Variants in HMCN1 observed in about 807,000 individuals in gnomAD.
HMCN1 encodes the protein hemicentin-1.
In HMCN1, 321 loss-of-function variants were observed where a neutral mutation model predicts 625.9. The ratio of observed to expected loss-of-function variants is 0.51; its 90% CI spans 0.47 to 0.56. The LOEUF (loss-of-function observed/expected upper bound fraction) is 0.56, where lower values mean the gene tolerates loss of function less well. HMCN1 is among the 20% of genes least tolerant of loss of function. The pLI is 0.00. For synonymous variants in HMCN1, 2,425 were observed against 2,417.6 expected (o/e 1.00, Z -0.09); for missense variants, 6,588 against 6,887.3 (o/e 0.96, Z 1.54).
intron 1 of HMCN1, among the ~76,000 whole-genome samples, chr1:185,816,808 G>A (rs1441009165): frequency 6.6e-6 from 1 of 152,230 alleles, no homozygotes. Flanking sequence ...GAGACAGAAA[G>A]AAGTGGAAAG....
chr1:185,864,998 C>A (rs1247487382), intron 3 of HMCN1, among the ~76,000 whole-genome samples: 1 of 152,220 alleles, frequency 6.6e-6, no homozygotes. Flanking sequence ...TCAGCTATTG[C>A]TGCATGACAA....
chr1:186,121,725 C>CA, intron 80 of HMCN1, among the ~76,000 whole-genome samples: 1 of 151,938 alleles, frequency 6.6e-6, no homozygotes, highest in East Asian at 1.9e-4. Flanking sequence ...GAAGTATAGT[C>CA]AAAGATAAAA....
chr1:186,187,706 C>A (rs552706565), intron 105 of HMCN1, among the ~76,000 whole-genome samples, 177 bp from the exon 106 acceptor site: 1 of 152,142 alleles, frequency 6.6e-6, no homozygotes, highest in Admixed American at 6.5e-5. Context: ...TGGGAAATAA[C>A]CCTGCCAGGT....
chr1:185,892,382 G>T (rs1045235517), intron 4 of HMCN1, among the ~76,000 whole-genome samples: 8 of 151,826 alleles, frequency 5.3e-5, no homozygotes, highest in African/African-American at 1.5e-4. Flanking sequence ...AGGAGGAGAG[G>T]CGCTCTGATT....
chr1:186,161,607 G>C (rs1651484912), intron 97 of HMCN1, among the ~76,000 whole-genome samples: 4 of 151,970 alleles, frequency 2.6e-5, no homozygotes, highest in Non-Finnish European at 5.9e-5. Context: ...CTCTTTTAGG[G>C]CAGGCCTGGT....
chr1:185,965,758 G>A (rs1269245859), intron 13 of HMCN1, 44 bp from the exon 14 acceptor site: 2 of 1,042,398 alleles, frequency 1.9e-6, no homozygotes, highest in African/African-American at 3.1e-5. Context: ...AATCCATCTG[G>A]TCTTGTGCTA....
intron 1 of HMCN1, among the ~76,000 whole-genome samples, chr1:185,784,764 C>T (rs1166550071): frequency 6.6e-6 from 1 of 152,160 alleles, no homozygotes; most frequent in Non-Finnish European, 1.5e-5. Flanking sequence ...AAAAACTAAT[C>T]ATGGTATCAA....
chr1:185,877,738 T>C (rs1664049229), intron 4 of HMCN1, among the ~76,000 whole-genome samples: 1 of 151,948 alleles, frequency 6.6e-6, no homozygotes, highest in African/African-American at 2.4e-5. Context: ...TTTTTTTCCT[T>C]TTTTTTGACT....
chr1:185,802,079 A>AG (rs1459678090), intron 1 of HMCN1, among the ~76,000 whole-genome samples: 1 of 152,136 alleles, frequency 6.6e-6, no homozygotes, highest in African/African-American at 2.4e-5. Flanking sequence ...TGAGGAGATG[A>AG]GAAAAAGTAG....
In HMCN1 at chr1:185,748,696, A is replaced by G. The variant is rs563732266; in HGVS notation, c.268+13649A>G. On this transcript the variant is annotated intron_variant, in intron 1 of 106. Transcript: ENST00000271588. ...AGCATTTGATTATTAGTAAGTTACT[A>G]ACTTCTCAAAGCCTTAGTTTCCTTA... Among the ~76,000 whole-genome samples, 6 of 152,340 alleles carry G rather than the reference A, an allele frequency of 3.9e-5. No homozygotes were observed. The East Asian group carries it at 5.8e-4, about 15-fold the overall frequency.
At chr1:186,083,067 G>T in intron 57 of HMCN1, 106 bp downstream of exon 57, 2 of 555,784 alleles carry the variant, frequency 3.6e-6, no homozygotes, top group Non-Finnish European at 3.2e-6. Flanking sequence ...CTTAAACAAT[G>T]TGAGGAGCCT....
At chr1:185,741,876 G>A (rs1014280420) in intron 1 of HMCN1, among the ~76,000 whole-genome samples, 24 of 152,306 alleles carry the variant, frequency 1.6e-4, no homozygotes, top group African/African-American at 4.8e-4. Flanking sequence ...TTATATTGCC[G>A]TGTCCAACTA....
At chr1:185,963,980 A>G (rs1210817711) in intron 13 of HMCN1, 85 bp downstream of exon 13, 1 of 1,084,046 alleles carries the variant, frequency 9.2e-7, no homozygotes. Flanking sequence ...AAATATTAAT[A>G]TTAGTAATGC....
At position 186,072,887 on chromosome 1, in the gene HMCN1, A is replaced by T. The variant is rs74136010; in HGVS notation, c.8140-1854A>T. Among the ~76,000 whole-genome samples the T allele has an allele frequency of 1.5e-3, 225 of 152,330 alleles. 1 individual carries two copies. Among genetic ancestry groups the T allele is most frequent in the African/African-American group, 5.0e-3 (209 of 41,578 alleles). ...CGACTGGGAAATTTTGAACACAAGA[A>T]TGACATGACACAATCTGACTTAAGG... On this transcript the variant is annotated intron_variant, in intron 52 of 106. Coordinates refer to ENST00000271588, the MANE Select transcript of HMCN1 (RefSeq NM_031935.3).
intron 1 of HMCN1, among the ~76,000 whole-genome samples, chr1:185,812,107 A>G (rs902922690): frequency 1.3e-5 from 2 of 152,108 alleles, no homozygotes; most frequent in Non-Finnish European, 2.9e-5. Context: ...GAAGATGGCC[A>G]ACATTAAAAG....
At chr1:185,892,066 T>G (rs1019970499) in intron 4 of HMCN1, among the ~76,000 whole-genome samples, 14 of 151,410 alleles carry the variant, frequency 9.2e-5, no homozygotes, top group Admixed American at 5.9e-4. Flanking sequence ...TCATTTCATC[T>G]TCCATCGCTG....
intron 4 of HMCN1, among the ~76,000 whole-genome samples, chr1:185,882,300 C>A (rs954810450): frequency 4.0e-5 from 6 of 151,476 alleles, no homozygotes; most frequent in Non-Finnish European, 8.8e-5. Flanking sequence ...CTTATTGTTG[C>A]CTTCCTGATA....
At chr1:186,031,628 C>T (rs1385475220) in intron 36 of HMCN1, among the ~76,000 whole-genome samples, 1 of 152,050 alleles carries the variant, frequency 6.6e-6, no homozygotes, top group Non-Finnish European at 1.5e-5. Context: ...CTCCTCTCCT[C>T]TGGTACTCCC....
rs180841230 is a variant in HMCN1, at chr1:186,188,471, G to A, written c.16541+462G>A. ...TGAGGAATGAGTCAGTTGTCTGCCC[G>A]TTCATACATCATCTTGCTTATATTT... On this transcript the variant is annotated intron_variant, in intron 106 of 106. Transcript: ENST00000271588. Among the ~76,000 whole-genome samples, 55 of 152,222 alleles carry A rather than the reference G, an allele frequency of 3.6e-4. No homozygotes were observed. In the East Asian group the frequency reaches 8.3e-3, roughly 23 times the overall value.
Sources: gnomAD v4.1 joint callset for allele counts (sites outside exome capture counted in the v4.1 genomes callset) on GRCh38, gnomAD v4.1.1 for gene constraint, MANE v1.5 for transcripts, NCBI Gene and HGNC (gene_info 2026-07-23, HGNC 2026-07-21) for gene names.